TAB2: variants seen among roughly 807,000 people sequenced by gnomAD.
TAB2 encodes the protein TGF-beta activated kinase 1 (MAP3K7) binding protein 2, also known as TGF-beta-activated kinase 1 and MAP3K7-binding protein 2.
In TAB2, 3 loss-of-function variants were observed where a neutral mutation model predicts 65.0. The ratio of observed to expected loss-of-function variants is 0.05; its 90% CI spans 0.02 to 0.12. The LOEUF (loss-of-function observed/expected upper bound fraction) is 0.12. Among genes scored for constraint, TAB2 ranks in the 10% least tolerant of loss-of-function variants. The pLI, the probability that TAB2 is intolerant of heterozygous loss-of-function variation, is 1.00. For synonymous variants in TAB2, 298 were observed against 285.1 expected (o/e 1.05, Z -0.46); for missense variants, 623 against 840.3 (o/e 0.74, Z 3.20).
rs1778440704 is a variant in TAB2, at chr6:149,275,236, G to GAGAGAAAA, written c.-121+56461_-121+56462insGAGAAAAA. Among the ~76,000 whole-genome samples, 18 of 51,386 alleles carry GAGAGAAAA rather than the reference G, an allele frequency of 3.5e-4. 1 individual carries two copies. The highest frequency in any genetic ancestry group is 9.4e-4 in the African/African-American group (15 of 16,004). The allele number at this position is 51,386 out of a possible 152,430, so 33.7% of individuals were successfully genotyped here. On this transcript the variant is annotated intron_variant, in intron 1 of 1. Transcript: ENST00000606202. ...GGGCGGGGGAGGGGGGAGAGAGAGA[G>GAGAGAAAA]AAAGAAAGAAAGAAAGAAAGAAAGA...
intron 1 of TAB2, chr6:149,304,052 T>C (rs1166105193): frequency 6.6e-6 from 1 of 152,242 alleles, no homozygotes; most frequent in Non-Finnish European, 1.5e-5. Context: ...TTAAACAACC[T>C]CTGCAGTTTG....
At chr6:149,403,138 G>GCT (rs1185748033) in intron 6 of TAB2, among the ~76,000 whole-genome samples, 1 of 150,864 alleles carries the variant, frequency 6.6e-6, no homozygotes, top group Non-Finnish European at 1.5e-5. Flanking sequence ...GGAGGCTGAG[G>GCT]CAGGAGAATC....
chr6:149,267,170 G>A (rs1466705542), intron 1 of TAB2, among the ~76,000 whole-genome samples: 1 of 152,240 alleles, frequency 6.6e-6, no homozygotes, highest in East Asian at 1.9e-4. Context: ...GAGACTGGGA[G>A]GTTAGTCTCA....
chr6:149,219,756 C>T (rs1346714230), intron 1 of TAB2, among the ~76,000 whole-genome samples: 1 of 152,142 alleles, frequency 6.6e-6, no homozygotes, highest in East Asian at 1.9e-4. Context: ...TCCTGACTGG[C>T]CAGATTCTTT....
Position 149,377,194 on chromosome 6 carries a change from C to T in TAB2, c.103-824C>T, listed in dbSNP as rs563837338. 2.6e-5 allele frequency among the ~76,000 whole-genome samples: 4 copies of T among 151,490 alleles called. No individual in the cohort carries two copies. The East Asian group carries it at 7.8e-4, about 29-fold the overall frequency. ...ACGCCATTCTCCTGCCTCAGCCTCTCCGAGTAGCTGGGACTACAGGCGCCC... is the reference window on the plus strand; with the variant it reads ...ACGCCATTCTCCTGCCTCAGCCTCTTCGAGTAGCTGGGACTACAGGCGCCC... On this transcript the variant is annotated intron_variant, in intron 2 of 6. Transcript: ENST00000637181.
At chr6:149,239,351 G>T (rs1403386366) in intron 1 of TAB2, among the ~76,000 whole-genome samples, 2 of 150,300 alleles carry the variant, frequency 1.3e-5, no homozygotes, top group Non-Finnish European at 3.0e-5. Flanking sequence ...ACCTGAGTCA[G>T]GAACAGAGCC....
intron 1 of TAB2, among the ~76,000 whole-genome samples, chr6:149,348,411 T>A (rs1165309131): frequency 7.0e-6 from 1 of 142,706 alleles, no homozygotes; most frequent in African/African-American, 2.6e-5. Context: ...AAGGAAAGAG[T>A]AGGAGAAAGA....
At chr6:149,259,641 C>T (rs1778111561) in intron 1 of TAB2, among the ~76,000 whole-genome samples, 1 of 152,214 alleles carries the variant, frequency 6.6e-6, no homozygotes, top group South Asian at 2.1e-4. Flanking sequence ...AAGAATTAGA[C>T]ATCCTGTCTT....
chr6:149,310,565 T>C (rs61034212), intron 1 of TAB2, among the ~76,000 whole-genome samples: 4,883 of 151,554 alleles, frequency 0.032, 261 homozygotes, highest in African/African-American at 0.11. Context: ...AAATAATATA[T>C]ATATTTTTTT....
intron 1 of TAB2, among the ~76,000 whole-genome samples, chr6:149,344,077 C>CT (rs536122251): frequency 7.3e-4 from 111 of 152,262 alleles, no homozygotes; most frequent in African/African-American, 2.6e-3. Flanking sequence ...CATTAGGTCA[C>CT]TGATTATGTG....
chr6:149,357,431 ACACACACACACACAC>A (rs1780699836), intron 1 of TAB2, among the ~76,000 whole-genome samples: 1 of 54,350 alleles, frequency 1.8e-5, no homozygotes, highest in Admixed American at 2.0e-4. Flanking sequence ...GAAAAAAAAA[ACACACACACACACAC>A]ACACACACAC....
At chr6:149,292,671 C>T (rs1322211332) in intron 1 of TAB2, among the ~76,000 whole-genome samples, 5 of 152,064 alleles carry the variant, frequency 3.3e-5, no homozygotes, top group Non-Finnish European at 7.4e-5. Flanking sequence ...ATAAAGATGA[C>T]ATATGTCAAA....
At chr6:149,251,954 T>A (rs1452138414) in intron 1 of TAB2, among the ~76,000 whole-genome samples, 3 of 151,476 alleles carry the variant, frequency 2.0e-5, no homozygotes, top group Non-Finnish European at 4.4e-5. Context: ...CATGATTTTC[T>A]TTTCTTGTTT....
At chr6:149,229,503 C>T (rs1292820010) in intron 1 of TAB2, among the ~76,000 whole-genome samples, 1 of 151,912 alleles carries the variant, frequency 6.6e-6, no homozygotes, top group Non-Finnish European at 1.5e-5. Flanking sequence ...TTGATCATGG[C>T]AAAATGTTTT....
At chr6:149,366,195 T>TGAG (rs1252864315) in intron 1 of TAB2, among the ~76,000 whole-genome samples, 1 of 152,202 alleles carries the variant, frequency 6.6e-6, no homozygotes, top group Admixed American at 6.5e-5. Context: ...GTAGAGACTC[T>TGAG]GGATTCTGTA....
intron 1 of TAB2, among the ~76,000 whole-genome samples, chr6:149,233,696 T>C (rs891974451): frequency 6.6e-6 from 1 of 152,240 alleles, no homozygotes; most frequent in Non-Finnish European, 1.5e-5. Flanking sequence ...ACAATATACT[T>C]GTTTATTAGA....
At chr6:149,335,987 C>T (rs1392453042) in intron 1 of TAB2, among the ~76,000 whole-genome samples, 2 of 152,012 alleles carry the variant, frequency 1.3e-5, no homozygotes, top group Non-Finnish European at 2.9e-5. Flanking sequence ...CACCTCCTCC[C>T]CTCCCCCACT....
intron 1 of TAB2, among the ~76,000 whole-genome samples, chr6:149,272,624 C>T (rs1020047020): frequency 3.3e-5 from 5 of 152,184 alleles, no homozygotes; most frequent in African/African-American, 1.2e-4. Flanking sequence ...CCCAAATCAT[C>T]CAGGATAATC....
intron 6 of TAB2, among the ~76,000 whole-genome samples, chr6:149,403,310 A>ATC (rs1782536961): frequency 1.5e-5 from 1 of 68,136 alleles, no homozygotes; most frequent in Non-Finnish European, 3.0e-5. Context: ...ATATATATAT[A>ATC]TATACACACA....
Sources: gnomAD v4.1 joint callset for allele counts (sites outside exome capture counted in the v4.1 genomes callset) on GRCh38, gnomAD v4.1.1 for gene constraint, MANE v1.5 for transcripts, NCBI Gene and HGNC (gene_info 2026-07-23, HGNC 2026-07-21) for gene names.